Variants in PPP1R42 observed in about 807,000 individuals in gnomAD.
The protein encoded by PPP1R42 is leucine rich repeat containing 67.
Under a neutral mutation model 31.0 loss-of-function variants are expected in PPP1R42, and 34 were observed. The observed-to-expected ratio is 1.10, with a 90% confidence interval of 0.83 to 1.46. PPP1R42 has a LOEUF of 1.46. Among genes scored for constraint, PPP1R42 ranks in the 40% most tolerant of loss-of-function variants. The pLI is 0.00. For missense variants in PPP1R42, 268 were observed against 303.0 expected, an observed-to-expected ratio of 0.88 and a Z score of 0.86; for synonymous variants, 103 against 109.8, an observed-to-expected ratio of 0.94 and a Z score of 0.39.
At chr8:67,006,784 T>C (rs1815695740) in intron 5 of PPP1R42, among the ~76,000 whole-genome samples, 1 of 143,898 alleles carries the variant, frequency 6.9e-6, no homozygotes, top group Admixed American at 7.1e-5. Context: ...TCTCGCTCTG[T>C]CGTCCAGGCT....
At chr8:66,967,646 C>T (rs1365347733) in intron 7 of PPP1R42, among the ~76,000 whole-genome samples, 1 of 152,130 alleles carries the variant, frequency 6.6e-6, no homozygotes, top group Non-Finnish European at 1.5e-5. Context: ...CCTAATGCTT[C>T]CATATTCTAA....
chr8:66,988,192 G>C, intron 6 of PPP1R42: 1 of 1,192,282 alleles, frequency 8.4e-7, no homozygotes, highest in Non-Finnish European at 1.0e-6. Flanking sequence ...TAAGTATCAG[G>C]TGCTTTAATT....
At chr8:66,999,733 T>G (rs759719196) in intron 5 of PPP1R42, among the ~76,000 whole-genome samples, 3 of 152,218 alleles carry the variant, frequency 2.0e-5, no homozygotes, top group Non-Finnish European at 4.4e-5. Flanking sequence ...TCAGTGAGGT[T>G]ATCTGGTCTT....
At chr8:66,981,390 T>C (rs994118539) in intron 7 of PPP1R42, among the ~76,000 whole-genome samples, 1 of 151,720 alleles carries the variant, frequency 6.6e-6, no homozygotes, top group Non-Finnish European at 1.5e-5. Flanking sequence ...CTTTTTTTTT[T>C]TTTTTTGAGA....
At position 67,026,058 on chromosome 8, in the gene PPP1R42, G is replaced by A. The variant is rs76008513; in HGVS notation, c.-85+2433C>T. Among the ~76,000 whole-genome samples the A allele has an allele frequency of 5.1e-4, 77 of 151,332 alleles. No individual in the cohort carries two copies. The East Asian group carries it at 0.011, about 23-fold the overall frequency. ...CATAGTAAATTGTGAAAATGTGGCC[G>A]GGCGCGGTGGCTCATGATTGTAATC... On this transcript the variant is annotated intron_variant, in intron 1 of 7. Coordinates refer to ENST00000685739, the MANE Select transcript of PPP1R42 (RefSeq NM_001364910.1).
At chr8:66,971,805 G>T (rs1291377349) in intron 7 of PPP1R42, among the ~76,000 whole-genome samples, 9 of 152,100 alleles carry the variant, frequency 5.9e-5, no homozygotes, top group African/African-American at 2.2e-4. Flanking sequence ...TTTTTAAATT[G>T]TAAGATCCTT....
intron 7 of PPP1R42, among the ~76,000 whole-genome samples, chr8:66,976,153 C>T (rs189288103): frequency 3.2e-3 from 484 of 151,946 alleles, no homozygotes; most frequent in Non-Finnish European, 5.5e-3. Flanking sequence ...ACTGTGCATG[C>T]GAGGGATCTA....
chr8:66,965,387 A>G (rs1814351459), intron 7 of PPP1R42, among the ~76,000 whole-genome samples: 1 of 151,898 alleles, frequency 6.6e-6, no homozygotes, highest in South Asian at 2.1e-4. Context: ...TGGGAAAATA[A>G]CCAGGAGTGA....
intron 6 of PPP1R42, among the ~76,000 whole-genome samples, chr8:66,983,089 A>G (rs1321996818): frequency 1.3e-5 from 2 of 152,182 alleles, no homozygotes; most frequent in East Asian, 1.9e-4. Context: ...AAATTATACA[A>G]ATAATTTTTG....
chr8:66,984,907 A>G, intron 6 of PPP1R42: 1 of 1,542,242 alleles, frequency 6.5e-7, no homozygotes, highest in Admixed American at 1.7e-5. Flanking sequence ...CTTCTTGGTA[A>G]GATACACTCC....
intron 6 of PPP1R42, among the ~76,000 whole-genome samples, chr8:66,983,581 T>A (rs1250848527): frequency 2.6e-5 from 4 of 152,122 alleles, no homozygotes; most frequent in Non-Finnish European, 4.4e-5. Context: ...ATCCACTAGA[T>A]CCCAGAATGT....
chr8:67,002,048 A>G lies in PPP1R42; in HGVS notation c.552+8667T>C, dbSNP rs561090566. Among the ~76,000 whole-genome samples, 3 of 152,302 alleles carry G rather than the reference A, an allele frequency of 2.0e-5. No homozygotes were observed. The South Asian group carries it at 6.2e-4, about 32-fold the overall frequency. ...GTTTCACTGGACATATATAATTCTA[A>G]GTTGACAAGGGTGTTTTCCTTTTAG... On this transcript the variant is annotated intron_variant, in intron 5 of 7. Coordinates refer to ENST00000685739, the MANE Select transcript of PPP1R42 (RefSeq NM_001364910.1).
intron 5 of PPP1R42, among the ~76,000 whole-genome samples, chr8:67,002,160 A>G (rs775791966): frequency 2.6e-5 from 4 of 152,206 alleles, no homozygotes; most frequent in Non-Finnish European, 5.9e-5. Flanking sequence ...TGTACATAAA[A>G]TATCTTTTAA....
chr8:67,006,038 G>C (rs758241503), intron 5 of PPP1R42, among the ~76,000 whole-genome samples: 4 of 152,112 alleles, frequency 2.6e-5, no homozygotes, highest in Admixed American at 1.3e-4. Flanking sequence ...ACTCAACAGT[G>C]TATTTACTGA....
intron 1 of PPP1R42, among the ~76,000 whole-genome samples, chr8:67,026,206 C>T (rs1210233576): frequency 2.6e-5 from 4 of 151,274 alleles, no homozygotes; most frequent in African/African-American, 9.7e-5. Flanking sequence ...GGCATGGTGG[C>T]ATATGCCTGT....
chr8:66,984,306 T>C, intron 6 of PPP1R42: 1 of 1,321,528 alleles, frequency 7.6e-7, no homozygotes, highest in Non-Finnish European at 1.1e-6. Flanking sequence ...ATTTGTTGGT[T>C]TTCTTCACAG....
chr8:67,020,243 C>T (rs991556419), intron 1 of PPP1R42, among the ~76,000 whole-genome samples: 6 of 152,020 alleles, frequency 3.9e-5, no homozygotes, highest in Non-Finnish European at 8.8e-5. Context: ...GCTCTTGTTG[C>T]CCAGGCTGGA....
intron 7 of PPP1R42, among the ~76,000 whole-genome samples, chr8:66,974,617 G>T (rs888381952): frequency 1.3e-5 from 2 of 152,104 alleles, no homozygotes; most frequent in Non-Finnish European, 1.5e-5. Flanking sequence ...ATTTTGATTC[G>T]CATTTCCCTG....
At chr8:67,002,184 T>C (rs893749274) in intron 5 of PPP1R42, among the ~76,000 whole-genome samples, 20 of 152,244 alleles carry the variant, frequency 1.3e-4, no homozygotes, top group Non-Finnish European at 2.5e-4. Flanking sequence ...TCTTTTCTTC[T>C]GGTAGCTTTT....
Sources: allele counts gnomAD v4.1 joint callset (sites outside exome capture counted in the v4.1 genomes callset), GRCh38; gene constraint gnomAD v4.1.1; transcripts MANE v1.5; gene names NCBI Gene and HGNC (gene_info 2026-07-23, HGNC 2026-07-21).